The following CDHR4 variants were observed in gnomAD, a reference collection of about 807,000 sequenced individuals.
CDHR4 encodes the protein cadherin related family member 4, also known as cadherin-related family member 4.
In CDHR4, 89 loss-of-function variants were observed where a neutral mutation model predicts 88.4. That is an observed-to-expected ratio of 1.01 (90% CI 0.85 to 1.20). The LOEUF is 1.20. Among genes scored for constraint, CDHR4 ranks in the 50% most tolerant of loss-of-function variants. CDHR4 has a pLI of 0.00. For missense variants in CDHR4, 914 were observed against 1,007.2 expected (o/e 0.91, Z 1.25); for synonymous variants, 368 against 399.2 (o/e 0.92, Z 0.93).
rs191586659 is a variant in CDHR4, at chr3:49,791,081, G to A, written c.2312-194C>T. Among the ~76,000 whole-genome samples, 594 of 152,190 alleles carry A rather than the reference G, an allele frequency of 3.9e-3. 1 individual carries two copies. The highest frequency in any genetic ancestry group is 6.1e-3 in the Non-Finnish European group (412 of 68,006). On this transcript the variant is annotated intron_variant, in intron 18 of 18. Coordinates refer to ENST00000412678, the MANE Select transcript of CDHR4 (RefSeq NM_001007540.4). ...TCTCAACTCTGACTCAAATGCACAG[G>A]AAGCCTCCTTGATTCTCCAACACTG...
Position 49,793,270 on chromosome 3 carries a change from C to T in CDHR4, c.1665G>A (p.Gln555=). The part of the protein sequence containing the change: ...DHAPECEPPF[Q]ELTIYAPLGR... Reference sequence around the variant, plus strand: ...CCAGAGGAGCATAGATGGTGAGTTCCTGAAATGGGGGCTCACACTCGGGGG... The same window carrying T: ...CCAGAGGAGCATAGATGGTGAGTTCTTGAAATGGGGGCTCACACTCGGGGG... Residue 555 remains glutamine, a synonymous_variant, in exon 13 of 19, where the codon CAG becomes CAA. Transcript: ENST00000412678. 3.9e-6 allele frequency: 6 copies of T among 1,551,658 alleles called. No individual in the cohort carries two copies. The highest frequency in any genetic ancestry group is 4.4e-6 in the Non-Finnish European group (5 of 1,146,990).
At position 49,793,637 on chromosome 3, in the gene CDHR4, G is replaced by A. The variant is rs1411606581; in HGVS notation, c.1569C>T (p.Asp523=). The A allele has an allele frequency of 2.6e-6, 4 of 1,551,716 alleles. No homozygotes were observed. The highest frequency in any genetic ancestry group is 3.5e-6 in the Non-Finnish European group (4 of 1,146,980). ...CTGAGAGGTGATGGTTGGGGTTCTG[G>A]TCTTGGCCATGGTCAATCACAAGGA... The part of the protein sequence containing the change: ...LTVLVIDHGQ[D]QNPNHHLSGS... Residue 523 remains aspartate, a synonymous_variant, in exon 12 of 19, where the codon GAC becomes GAT. Transcript: ENST00000412678.
At chr3:49,794,113 G>A in intron 10 of CDHR4, 107 bp from the exon 11 acceptor site, 2 of 1,136,090 alleles carry the variant, frequency 1.8e-6, no homozygotes, top group Admixed American at 2.3e-5. Context: ...AGAGTGAGAG[G>A]GTCTGCTGGG....
chr3:49,799,858 G>T lies in CDHR4; in HGVS notation c.-46C>A. On this transcript the variant is annotated 5_prime_UTR_variant, in exon 1 of 19. Transcript: ENST00000412678. ...AGCAGAGGAGGCTTCAGAAAGCTAG[G>T]CTGTTTGTCTGACTCACCCTGTTGC... 1 of 1,608,988 alleles carries T rather than the reference G, an allele frequency of 6.2e-7. No individual in the cohort carries two copies.
In CDHR4 at chr3:49,792,954, G is replaced by A; in HGVS notation, c.1895C>T (p.Ala632Val). ...GCTGAGGTGGGGGGTGGAGGGGCCT[G>A]CATCGGCCACACAGATCAGTAGCTC... ...TYELLICVAD[A>V]GPSTPHLSTT... The change falls in exon 14 of 19, where the codon GCA becomes GTA. Residue 632 changes from alanine (A) to valine (V), a missense_variant. Ala to Val is a moderately conservative substitution (Grantham distance 64, BLOSUM62 0). Coordinates refer to ENST00000412678, the MANE Select transcript of CDHR4 (RefSeq NM_001007540.4). 6.4e-7 allele frequency: 1 copy of A among 1,551,668 alleles called. No homozygotes were observed. The highest frequency in any genetic ancestry group is 8.7e-7 in the Non-Finnish European group (1 of 1,146,976).
intron 5 of CDHR4, 119 bp from the exon 6 acceptor site, chr3:49,796,165 T>G: frequency 1.6e-6 from 1 of 635,142 alleles, no homozygotes; most frequent in Non-Finnish European, 2.6e-6. Flanking sequence ...ATCTTCAACT[T>G]CCACTCTTCC....
intron 17 of CDHR4, 110 bp from the exon 18 acceptor site, chr3:49,791,578 A>G: frequency 6.8e-7 from 1 of 1,476,670 alleles, no homozygotes; most frequent in South Asian, 1.3e-5. Flanking sequence ...CTCCATTCTG[A>G]TGGTGCTAGT....
rs774187703 is a variant in CDHR4 at position 49,799,268 on chromosome 3, C to A, written c.219G>T (p.Trp73Cys). Residue 73 changes from tryptophan to cysteine, a missense_variant, in exon 2 of 19, where the codon TGG becomes TGT. Trp to Cys is a radical substitution (Grantham distance 215). Transcript: ENST00000412678. ...CTACCTTGCCCACATAGGTCCCTTGCCACCTGGCCAAGCTGGGTGGGTTGA... is the reference window on the plus strand; with the variant it reads ...CTACCTTGCCCACATAGGTCCCTTGACACCTGGCCAAGCTGGGTGGGTTGA... The part of the protein sequence containing the change: ...TFFNPPSLAR[W>C]QGTYVGKLTL... 6.2e-7 allele frequency: 1 copy of A among 1,613,712 alleles called. No individual in the cohort carries two copies. The highest frequency in any genetic ancestry group is 8.5e-7 in the Non-Finnish European group (1 of 1,179,704).
At position 49,791,753 on chromosome 3, in the gene CDHR4, C is replaced by T; in HGVS notation, c.2244G>A (p.Lys748=). Reference sequence around the variant, plus strand: ...TGCTGGGTGCCTGGGACATCTCCATCTTCGGTGCCTCCAGGAAACCCTCGA... The same window carrying T: ...TGCTGGGTGCCTGGGACATCTCCATTTTCGGTGCCTCCAGGAAACCCTCGA... ...GSIEGFLEAP[K]MEMSQAPSSV... is the part of the protein sequence containing the mutation. Residue 748 remains lysine (K), a synonymous_variant, in exon 17 of 19, where the codon AAG becomes AAA. Coordinates refer to ENST00000412678, the MANE Select transcript of CDHR4 (RefSeq NM_001007540.4). 1 of 1,551,708 alleles carries T rather than the reference C, an allele frequency of 6.4e-7. No individual in the cohort carries two copies. Among genetic ancestry groups the T allele is most frequent in the Non-Finnish European group, 8.7e-7 (1 of 1,146,984 alleles).
Position 49,792,894 on chromosome 3 carries a change from C to G in CDHR4, c.1955G>C (p.Arg652Pro). Residue 652 changes from arginine to proline, a missense_variant, in exon 14 of 19, where the codon CGG becomes CCG. By Grantham distance (103) the Arg-to-Pro change is moderately radical. Transcript: ENST00000412678. ...TATIIVHLVP[R>P]RASTVATSTH... ...GCTGGTGGCCACTGTGCTGGCCCTC[C>G]GGGGAACTAGATGCACAATAATGGT... 1.3e-6 allele frequency: 2 copies of G among 1,549,586 alleles called. No homozygotes were observed. Among genetic ancestry groups the G allele is most frequent in the Non-Finnish European group, 1.7e-6 (2 of 1,145,410 alleles).
In CDHR4 at chr3:49,799,394, C is replaced by T. The variant is rs753517286; in HGVS notation, c.93G>A (p.Gln31=). ...AAAACTGAAGGACTGTGCCAGGGCC[C>T]TGGCTCTCAGAGACATTTATAAAGC... is the stretch of plus-strand genomic sequence containing the variant. ...LPCFINVSES[Q]GPGTVLQFLS... Residue 31 remains glutamine, a synonymous_variant, in exon 2 of 19, where the codon CAG becomes CAA. Transcript: ENST00000412678. 6.2e-7 allele frequency: 1 copy of T among 1,609,598 alleles called. No homozygotes were observed.
intron 2 of CDHR4, 24 bp downstream of exon 2, chr3:49,799,223 C>T (rs762263825): frequency 1.9e-6 from 3 of 1,611,794 alleles, no homozygotes; most frequent in Non-Finnish European, 2.5e-6. Context: ...CCCCCACAGT[C>T]CCCAGCTGTA....
At position 49,793,676 on chromosome 3, in the gene CDHR4, C is replaced by G. The variant is rs999343352; in HGVS notation, c.1530G>C (p.Leu510=). 4.0e-5 allele frequency: 62 copies of G among 1,551,632 alleles called. 1 individual carries two copies. The Admixed American group carries it at 1.2e-3, about 30-fold the overall frequency. The change falls in exon 12 of 19, where the codon CTG becomes CTC. Residue 510 remains leucine, a synonymous_variant. Transcript: ENST00000412678. The stretch of plus-strand genomic sequence containing the variant: ...CAATCACAAGGACAGTGAGCCTGTA[C>G]AGCCTCTGCTGCTCATAGTCCAAAG... ...LGPLDYEQQR[L]YRLTVLVIDH... is the part of the protein sequence containing the mutation.
At position 49,795,001 on chromosome 3, in the gene CDHR4, C is replaced by T. The variant is rs1292924991; in HGVS notation, c.1131G>A (p.Trp377Ter). The T allele has an allele frequency of 9.0e-6, 14 of 1,551,548 alleles. No homozygotes were observed. Among genetic ancestry groups the T allele is most frequent in the Non-Finnish European group, 1.2e-5 (14 of 1,146,990 alleles). ...TGGCAGGGTTGGAAGAGCTGCGGAA[C>T]CACAGCTTGTAGTCCAGGGTGGCAC... Reference protein sequence around the residue: ...SVGATLDYKLWFRSSSNPASL... With the variant: ...SVGATLDYKL Residue 377 changes from tryptophan (W) to a stop codon, truncating the protein, a stop_gained, in exon 9 of 19, where the codon TGG (tryptophan) becomes TGA (stop). Coordinates refer to ENST00000412678, the MANE Select transcript of CDHR4 (RefSeq NM_001007540.4). LOFTEE classifies it high-confidence loss of function. This position sits in a 1 kb window ranked among gnomAD's most constrained non-coding sequence, Gnocchi z 5.4.
In CDHR4 at chr3:49,793,059, C is replaced by T. The variant is rs769172714; in HGVS notation, c.1790G>A (p.Arg597Gln). The change falls in exon 14 of 19, where the codon CGA (arginine) becomes CAA (glutamine). Residue 597 changes from arginine to glutamine, a missense_variant. By Grantham distance (43) the Arg-to-Gln change is conservative. Transcript: ENST00000412678. ...YSIVGGNSQN[R>Q]FILQGAILVH... ...CAGGATGGCCCCTTGCAGGATGAAT[C>T]GGTTCTGGCTATTCCCTGAAAGCAG... 1.4e-5 allele frequency: 21 copies of T among 1,551,244 alleles called. No homozygotes were observed. Among genetic ancestry groups the T allele is most frequent in the Non-Finnish European group, 1.6e-5 (18 of 1,147,004 alleles).
upstream of CDHR4, among the ~76,000 whole-genome samples, chr3:49,800,467 C>T (rs1393924930): frequency 6.6e-6 from 1 of 151,472 alleles, no homozygotes; most frequent in Admixed American, 6.6e-5. Context: ...TGCAGTGAGT[C>T]ATGATTGTGC....
rs2108282918 is a variant in CDHR4, at chr3:49,795,441, C to G, written c.848-62G>C. ...GGGAACACAGAGATCAGCCCCGCCT[C>G]CCAGCTCAGTCCCACTCCTGCCAGC... On this transcript the variant is annotated intron_variant, in intron 7 of 18. Transcript: ENST00000412678. The surrounding 1 kb of genome is among the most constrained non-coding windows in gnomAD (Gnocchi z 5.4). 6.6e-7 allele frequency: 1 copy of G among 1,525,996 alleles called. No homozygotes were observed. The highest frequency in any genetic ancestry group is 2.3e-4 in the Middle Eastern group (1 of 4,426). The allele number at this position is 1,525,996 out of a possible 1,614,324, so 94.5% of individuals were successfully genotyped here.
Position 49,792,629 on chromosome 3 carries a change from C to A in CDHR4, c.1996-19G>T, listed in dbSNP as rs1188140201. 6.4e-7 allele frequency: 1 copy of A among 1,551,268 alleles called. No homozygotes were observed. The highest frequency in any genetic ancestry group is 8.7e-7 in the Non-Finnish European group (1 of 1,146,772). ...AGGGCACCTGAAAAGGAGGCCACAG[C>A]CTCACCACTGCCTTGCCAAAATGCC... On this transcript the variant is annotated intron_variant, in intron 14 of 18. Transcript: ENST00000412678.
intron 4 of CDHR4, chr3:49,798,535 C>T (rs1167291345): frequency 2.3e-6 from 1 of 433,838 alleles, no homozygotes; most frequent in Non-Finnish European, 4.1e-6. Context: ...TTGCAGTGAG[C>T]CGAGATCGCG....
Sources: allele counts gnomAD v4.1 joint callset (sites outside exome capture counted in the v4.1 genomes callset), GRCh38; gene constraint gnomAD v4.1.1; non-coding constraint Gnocchi (gnomAD v3.1); transcripts MANE v1.5; gene names NCBI Gene and HGNC (gene_info 2026-07-23, HGNC 2026-07-21).